RANBP2: variants seen among roughly 807,000 people sequenced by gnomAD.
RANBP2 encodes RAN binding protein 2.
RANBP2 carries 57 observed loss-of-function variants against 303.6 expected under a neutral mutation model. The observed-to-expected ratio is 0.19, with a 90% CI of 0.15 to 0.23. The LOEUF (loss-of-function observed/expected upper bound fraction) is 0.23. Ranked by LOEUF, RANBP2 falls within the 10% of genes least tolerant of loss-of-function variation. The pLI, the probability that RANBP2 is intolerant of heterozygous loss-of-function variation, is 1.00. For missense variants in RANBP2, 3,138 were observed against 3,780.8 expected (o/e 0.83, Z 4.46); for synonymous variants, 1,167 against 1,301.5 (o/e 0.90, Z 2.23).
the RANBP2 span, among the ~76,000 whole-genome samples, chr2:109,158,169 A>G: frequency 6.6e-6 from 1 of 152,256 alleles, no homozygotes; most frequent in South Asian, 2.1e-4. Context: ...TCAGACTTCA[A>G]AACACACGAC....
chr2:108,884,995 G>C, the RANBP2 span: 250 of 152,286 alleles, frequency 1.6e-3, 7 homozygotes, highest in Admixed American at 0.016. Flanking sequence ...TTCTTCCCAA[G>C]GAGCTAATTG....
Position 108,735,768 on chromosome 2 carries a change from T to G in RANBP2, c.636+6T>G, listed in dbSNP as rs1558881288. 8 of 1,597,608 alleles carry G rather than the reference T, an allele frequency of 5.0e-6. No homozygotes were observed. The highest frequency in any genetic ancestry group is 1.3e-5 in the African/African-American group (1 of 74,990). ...GTGTTGTACAGACCCTTAAGGTAGA[T>G]AAAAGCTATTGGGTCTTTACATTTC... On this transcript the variant is annotated splice_donor_region_variant and intron_variant, in intron 5 of 28. Transcript: ENST00000283195.
chr2:108,743,064 T>C (rs548044646), intron 7 of RANBP2, among the ~76,000 whole-genome samples: 179 of 152,196 alleles, frequency 1.2e-3, no homozygotes, highest in South Asian at 3.1e-3. Flanking sequence ...GCTGGCATTA[T>C]AGGCGTGAGC....
chr2:109,761,844 T>C, the RANBP2 span, among the ~76,000 whole-genome samples: 1 of 151,116 alleles, frequency 6.6e-6, no homozygotes, highest in African/African-American at 2.4e-5. Flanking sequence ...TTGTTTTTTT[T>C]TTCCTTTTGC....
the RANBP2 span, among the ~76,000 whole-genome samples, chr2:109,041,166 T>C: frequency 8.5e-5 from 13 of 152,386 alleles, no homozygotes; most frequent in African/African-American, 2.6e-4. Flanking sequence ...TTGACTTCTA[T>C]ATATCCAGCA....
At chr2:109,540,882 G>GTCT in the RANBP2 span, among the ~76,000 whole-genome samples, 1 of 150,194 alleles carries the variant, frequency 6.7e-6, no homozygotes, top group Non-Finnish European at 1.5e-5. Context: ...AACCTTTCTC[G>GTCT]TCTATAAAGA....
chr2:109,763,443 A>G, the RANBP2 span, among the ~76,000 whole-genome samples: 1 of 150,176 alleles, frequency 6.7e-6, no homozygotes, highest in African/African-American at 2.4e-5. Context: ...TCTGACTTCA[A>G]ATCCAGTCAG....
At chr2:109,181,855 C>T in the RANBP2 span, among the ~76,000 whole-genome samples, 1 of 152,126 alleles carries the variant, frequency 6.6e-6, no homozygotes, top group South Asian at 2.1e-4. Flanking sequence ...TTTTTTCCAT[C>T]CTGGCAGGAA....
At chr2:109,613,928 C>T in the RANBP2 span, 1 of 1,113,452 alleles carries the variant, frequency 9.0e-7, no homozygotes, top group Non-Finnish European at 1.1e-6. Context: ...AAGCAACGGG[C>T]GGGGCGCGAG....
At chr2:109,188,047 C>T in the RANBP2 span, among the ~76,000 whole-genome samples, 3 of 152,232 alleles carry the variant, frequency 2.0e-5, no homozygotes, top group African/African-American at 7.2e-5. Context: ...CACCGGCTTG[C>T]AGCCCACCCC....
At chr2:109,379,188 T>C in the RANBP2 span, among the ~76,000 whole-genome samples, 2 of 152,200 alleles carry the variant, frequency 1.3e-5, no homozygotes, top group African/African-American at 4.8e-5. Flanking sequence ...AGGGTAAAAA[T>C]GTTACCCATC....
the RANBP2 span, among the ~76,000 whole-genome samples, chr2:109,477,003 T>A: frequency 3.3e-5 from 5 of 152,190 alleles, no homozygotes; most frequent in Non-Finnish European, 5.9e-5. Context: ...AGCTGTTTTA[T>A]CAGCAGGGTC....
the RANBP2 span, among the ~76,000 whole-genome samples, chr2:109,431,379 G>C: frequency 1.3e-5 from 2 of 152,192 alleles, no homozygotes; most frequent in South Asian, 4.1e-4. Flanking sequence ...AATCTGGTAT[G>C]TTCTCTCCCT....
At chr2:108,881,397 C>T in the RANBP2 span, among the ~76,000 whole-genome samples, 102 of 152,330 alleles carry the variant, frequency 6.7e-4, no homozygotes, top group Non-Finnish European at 1.3e-3. Flanking sequence ...AATATTGTGG[C>T]CGATTTGTAT....
chr2:108,853,994 A>G, the RANBP2 span, among the ~76,000 whole-genome samples: 1 of 10,694 alleles, frequency 9.4e-5, no homozygotes, highest in African/African-American at 1.6e-4. Flanking sequence ...ATATATAATA[A>G]ATTTATATTA....
At chr2:109,470,406 A>G in the RANBP2 span, among the ~76,000 whole-genome samples, 1,710 of 152,252 alleles carry the variant, frequency 0.011, 36 homozygotes, top group African/African-American at 0.038. Flanking sequence ...CGCCTTGTCA[A>G]TCTTTGGTTC....
At chr2:109,536,662 G>T in the RANBP2 span, among the ~76,000 whole-genome samples, 2 of 152,144 alleles carry the variant, frequency 1.3e-5, no homozygotes, top group Non-Finnish European at 2.9e-5. Context: ...GATTGGTTTT[G>T]AAATGTGAGG....
chr2:109,041,656 G>A, the RANBP2 span, among the ~76,000 whole-genome samples: 1,013 of 148,230 alleles, frequency 6.8e-3, 5 homozygotes, highest in East Asian at 0.034. Flanking sequence ...CGAGGAGCTC[G>A]GACTACAGGT....
chr2:109,609,110 G>C, the RANBP2 span, among the ~76,000 whole-genome samples: 1 of 152,190 alleles, frequency 6.6e-6, no homozygotes, highest in South Asian at 2.1e-4. Flanking sequence ...AAATCGGTCT[G>C]GGACTATCTG....
Sources: gnomAD v4.1 joint callset for allele counts (sites outside exome capture counted in the v4.1 genomes callset) on GRCh38, gnomAD v4.1.1 for gene constraint, MANE v1.5 for transcripts, NCBI Gene and HGNC (gene_info 2026-07-23, HGNC 2026-07-21) for gene names.